CCDC183: variants seen among roughly 807,000 people sequenced by gnomAD.
CCDC183 encodes the protein coiled-coil domain containing 183, also known as coiled-coil domain-containing protein 183.
Under a neutral mutation model 65.2 loss-of-function variants are expected in CCDC183, and 63 were observed. The ratio of observed to expected loss-of-function variants is 0.97; its 90% confidence interval spans 0.79 to 1.19. The LOEUF (loss-of-function observed/expected upper bound fraction) is 1.19, where lower values mean the gene tolerates loss of function less well. CCDC183 is among the 50% of genes most tolerant of loss of function. The pLI is 0.00. For synonymous variants in CCDC183, 323 were observed against 276.5 expected (o/e 1.17, Z -1.67); for missense variants, 769 against 689.3 (o/e 1.12, Z -1.30).
rs373655990 is a variant in CCDC183 at position 136,802,709 on chromosome 9, G to A, written c.589G>A (p.Val197Met). The A allele has an allele frequency of 4.2e-5, 68 of 1,613,404 alleles. No individual in the cohort carries two copies. Among genetic ancestry groups the A allele is most frequent in the Non-Finnish European group, 5.3e-5 (62 of 1,179,884 alleles). Residue 197 changes from valine to methionine, a missense_variant, in exon 6 of 14, where the codon GTG becomes ATG. Coordinates refer to ENST00000338005, the MANE Select transcript of CCDC183 (RefSeq NM_001039374.5). ...PIELDKLQNL[V>M]VNYCSELSDM... ...TGAGCTGGACAAGCTGCAGAACCTC[G>A]TGGTCAACTACTGCTCAGAGCTGTC... is the stretch of plus-strand genomic sequence containing the variant.
rs1847803033 is a variant in CCDC183 at position 136,804,284 on chromosome 9, G to T, written c.667-218G>T. On this transcript the variant is annotated intron_variant, in intron 6 of 13. Transcript: ENST00000338005. The surrounding 1 kb of genome is among the most constrained non-coding windows in gnomAD (Gnocchi z 4.1). The stretch of plus-strand genomic sequence containing the variant: ...GGGCCAGCGGCTGGAGGGCAGCAGA[G>T]CGTCTGGGCTGGCACATGCTCTGAG... 11 of 578,556 alleles carry T rather than the reference G, an allele frequency of 1.9e-5. No individual in the cohort carries two copies. The highest frequency in any genetic ancestry group is 3.3e-5 in the Non-Finnish European group (11 of 337,720). 35.8% of individuals were successfully genotyped at this position (578,556 alleles called of 1,614,324 possible). A position where few individuals can be genotyped will look rare whatever the true frequency, so the allele number is the denominator to read the frequency against.
At position 136,806,781 on chromosome 9, in the gene CCDC183, C is replaced by G; in HGVS notation, c.1303C>G (p.Leu435Val). The change falls in exon 12 of 14, where the codon CTC becomes GTC. Residue 435 changes from leucine to valine, a missense_variant. Coordinates refer to ENST00000338005, the MANE Select transcript of CCDC183 (RefSeq NM_001039374.5). ...TQREVVLSNT[L>V]DLNSKLAYCE... ...GAGAGAAGTGGTGCTCTCCAACACC[C>G]TCGATTTGAACAGCAAGCTGGCGTA... The G allele has an allele frequency of 6.2e-7, 1 of 1,613,630 alleles. No individual in the cohort carries two copies. The highest frequency in any genetic ancestry group is 8.5e-7 in the Non-Finnish European group (1 of 1,180,034).
chr9:136,799,155 A>C lies in CCDC183; in HGVS notation c.124A>C (p.Lys42Gln). Residue 42 changes from lysine (K) to glutamine (Q), a missense_variant, in exon 2 of 14, where the codon AAG becomes CAG. Physicochemically the swap from Lys to Gln is moderately conservative, Grantham distance 53 (BLOSUM62 1). Transcript: ENST00000338005. ...GGTGAAAGAGAATATGGACCAGAAC[A>C]AGGCCACGCTGGCCCTCCTGCGCAG... Reference protein sequence around the residue: ...QGVKENMDQNKATLALLRSNI... With the variant: ...QGVKENMDQNQATLALLRSNI... 1 of 1,613,284 alleles carries C rather than the reference A, an allele frequency of 6.2e-7. No homozygotes were observed. The highest frequency in any genetic ancestry group is 1.1e-5 in the South Asian group (1 of 91,062).
chr9:136,806,673 G>C lies in CCDC183; in HGVS notation c.1278+1G>C, dbSNP rs1164286599. 1 of 1,613,246 alleles carries C rather than the reference G, an allele frequency of 6.2e-7. No homozygotes were observed. The highest frequency in any genetic ancestry group is 1.1e-5 in the South Asian group (1 of 91,076). The stretch of plus-strand genomic sequence containing the variant: ...GGGCATTAACTTGCCTGCGACCCAG[G>C]TACCGGGAGTGAGGCTGAGCTGCCA... On this transcript the variant is annotated splice_donor_variant, in intron 11 of 13. Coordinates refer to ENST00000338005, the MANE Select transcript of CCDC183 (RefSeq NM_001039374.5). LOFTEE classifies it high-confidence loss of function.
chr9:136,807,602 G>A lies in CCDC183; in HGVS notation c.1517G>A (p.Ser506Asn), dbSNP rs758335353. ...DTFQFPDMDHSYVPSRAEIKR... is the reference protein window; with the variant it reads ...DTFQFPDMDHNYVPSRAEIKR... The stretch of plus-strand genomic sequence containing the variant: ...TTCCAGTTCCCCGACATGGACCACA[G>A]CTACGTCCCTTCGCGCGCCGAGATC... Residue 506 changes from serine (S) to asparagine (N), a missense_variant, in exon 14 of 14, where the codon AGC (serine) becomes AAC (asparagine). Physicochemically the swap from Ser to Asn is conservative, Grantham distance 46 (BLOSUM62 1). Transcript: ENST00000338005. The A allele has an allele frequency of 1.9e-6, 3 of 1,606,686 alleles. No homozygotes were observed. Among genetic ancestry groups the A allele is most frequent in the Non-Finnish European group, 2.5e-6 (3 of 1,177,074 alleles).
Position 136,807,060 on chromosome 9 carries a change from A to G in CCDC183, c.1480A>G (p.Met494Val), listed in dbSNP as rs1741089661. The G allele has an allele frequency of 5.6e-6, 9 of 1,612,970 alleles. No homozygotes were observed. The highest frequency in any genetic ancestry group is 4.0e-5 in the African/African-American group (3 of 75,022). ...RISFENREED[M>V]IDTFQFPDMD... Reference sequence around the variant, plus strand: ...CAGCTTTGAGAACCGGGAGGAGGATATGATCGGTACAGGCCCCGGAACTGG... The same window carrying G: ...CAGCTTTGAGAACCGGGAGGAGGATGTGATCGGTACAGGCCCCGGAACTGG... Residue 494 changes from methionine (M) to valine (V), a missense_variant, in exon 13 of 14, where the codon ATG (methionine) becomes GTG (valine). Physicochemically the swap from Met to Val is conservative, Grantham distance 21. Transcript: ENST00000338005.
At chr9:136,805,245 G>A (rs1369801984) in intron 8 of CCDC183, 112 bp from the exon 9 acceptor site, 1 of 817,978 alleles carries the variant, frequency 1.2e-6, no homozygotes, top group East Asian at 2.7e-5. Context: ...GGATGCCTGT[G>A]TCTTGGGTGG....
intron 13 of CCDC183, 52 bp downstream of exon 13, chr9:136,807,118 G>A: frequency 6.4e-7 from 1 of 1,562,790 alleles, no homozygotes; most frequent in Non-Finnish European, 8.8e-7. Flanking sequence ...CTGGAACACA[G>A]GTCGGGGTGG....
chr9:136,805,898 G>A (rs1365413795), intron 9 of CCDC183, among the ~76,000 whole-genome samples, 180 bp from the exon 10 acceptor site: 1 of 152,342 alleles, frequency 6.6e-6, no homozygotes, highest in East Asian at 1.9e-4. Flanking sequence ...GGAAGCTGAG[G>A]TGGGAGGATC....
rs1483911612 is a variant in CCDC183 at position 136,804,404 on chromosome 9, T to C, written c.667-98T>C. ...TGGCCGGGGATGCAGTTCCAAAGTC[T>C]AGTAAGGTGAGCATGGCCAACCGCC... On this transcript the variant is annotated intron_variant, in intron 6 of 13. Coordinates refer to ENST00000338005, the MANE Select transcript of CCDC183 (RefSeq NM_001039374.5). The surrounding 1 kb of genome is among the most constrained non-coding windows in gnomAD (Gnocchi z 4.1). 2.7e-6 allele frequency: 4 copies of C among 1,471,066 alleles called. No homozygotes were observed. The highest frequency in any genetic ancestry group is 1.4e-5 in the African/African-American group (1 of 71,364). The allele number at this position is 1,471,066 out of a possible 1,614,324, so 91.1% of individuals were successfully genotyped here. A position where few individuals can be genotyped will look rare whatever the true frequency, so the allele number is the denominator to read the frequency against.
intron 13 of CCDC183, chr9:136,807,276 G>A (rs1588338767): frequency 1.2e-5 from 8 of 641,952 alleles, no homozygotes; most frequent in Non-Finnish European, 2.1e-5. Context: ...TAATTTCTCC[G>A]AAAGGAGGAG....
At chr9:136,799,411 T>C in intron 2 of CCDC183, 188 bp downstream of exon 2, 1 of 1,007,336 alleles carries the variant, frequency 9.9e-7, no homozygotes, top group South Asian at 1.7e-5. Context: ...GGTGGGCAGG[T>C]TTCCCACCAC....
intron 2 of CCDC183, 91 bp downstream of exon 2, chr9:136,799,314 C>T: frequency 6.7e-7 from 1 of 1,481,512 alleles, no homozygotes; most frequent in Non-Finnish European, 9.0e-7. Context: ...CCTCTCCACC[C>T]CCACCCCAAT....
In CCDC183 at chr9:136,804,774, T is replaced by G. The variant is rs756417838; in HGVS notation, c.805T>G (p.Leu269Val). Reference protein sequence around the residue: ...SEKYRRGQMDLDFPSNLMSTE... With the variant: ...SEKYRRGQMDVDFPSNLMSTE... ...CACCTCCCATCAGGGCCAGATGGAC[T>G]TGGACTTCCCCTCGAACCTGATGAG... is the stretch of plus-strand genomic sequence containing the variant. Residue 269 changes from leucine to valine, a missense_variant, in exon 8 of 14, where the codon TTG becomes GTG. Physicochemically the swap from Leu to Val is conservative, Grantham distance 32. Transcript: ENST00000338005. This position sits in a 1 kb window ranked among gnomAD's most constrained non-coding sequence, Gnocchi z 4.1. The G allele has an allele frequency of 1.9e-6, 3 of 1,613,514 alleles. No individual in the cohort carries two copies. Among genetic ancestry groups the G allele is most frequent in the Non-Finnish European group, 2.5e-6 (3 of 1,179,800 alleles).
chr9:136,805,244 T>A, intron 8 of CCDC183, 113 bp from the exon 9 acceptor site: 1 of 796,526 alleles, frequency 1.3e-6, no homozygotes, highest in Non-Finnish European at 2.0e-6. Context: ...AGGATGCCTG[T>A]GTCTTGGGTG....
chr9:136,800,809 C>T (rs1196603083), intron 5 of CCDC183: 1 of 299,922 alleles, frequency 3.3e-6, no homozygotes, highest in Admixed American at 4.9e-5. Context: ...CCTGCACCCT[C>T]AGAAAGTCCT....
chr9:136,799,842 A>AC (rs751769886), intron 3 of CCDC183, 52 bp downstream of exon 3: 34 of 1,372,440 alleles, frequency 2.5e-5, no homozygotes, highest in East Asian at 6.2e-5. Flanking sequence ...CCCTGCCAGC[A>AC]CCCCCCCACT....
At chr9:136,801,667 T>C (rs540272314) in intron 5 of CCDC183, among the ~76,000 whole-genome samples, 2 of 151,706 alleles carry the variant, frequency 1.3e-5, no homozygotes, top group South Asian at 2.1e-4. Context: ...GATCGTACCA[T>C]CGCACTCCAG....
chr9:136,806,150 G>C lies in CCDC183; in HGVS notation c.1021G>C (p.Glu341Gln). 12 of 1,550,164 alleles carry C rather than the reference G, an allele frequency of 7.7e-6. No individual in the cohort carries two copies. The highest frequency in any genetic ancestry group is 1.0e-5 in the Non-Finnish European group (12 of 1,146,518). ...NLELQMEDCE[E>Q]WRVQLKALVK... ...GGAGCTGCAGATGGAGGACTGTGAG[G>C]AGTGGCGGGTGCAGCTGAAGGCCCT... is the stretch of plus-strand genomic sequence containing the variant. The change falls in exon 10 of 14, where the codon GAG (glutamate) becomes CAG (glutamine). Residue 341 changes from glutamate to glutamine, a missense_variant. Physicochemically the swap from Glu to Gln is conservative, Grantham distance 29. Coordinates refer to ENST00000338005, the MANE Select transcript of CCDC183 (RefSeq NM_001039374.5).
Sources: allele counts gnomAD v4.1 joint callset (sites outside exome capture counted in the v4.1 genomes callset), GRCh38; gene constraint gnomAD v4.1.1; non-coding constraint Gnocchi (gnomAD v3.1); transcripts MANE v1.5; gene names NCBI Gene and HGNC (gene_info 2026-07-23, HGNC 2026-07-21).